Variants in OPA1 observed in about 807,000 individuals in gnomAD.
OPA1 encodes the protein dynamin-like GTPase OPA1, mitochondrial.
OPA1 carries 59 observed loss-of-function variants against 152.9 expected under a neutral mutation model. The observed-to-expected ratio is 0.39, with a 90% CI of 0.31 to 0.48. The LOEUF is 0.48. Among genes scored for constraint, OPA1 ranks in the 20% least tolerant of loss-of-function variants. The probability of loss-of-function intolerance (pLI) is 0.96; values close to 1 mark genes in which losing one functional copy is unlikely to be tolerated. For missense variants in OPA1, 1,008 were observed against 1,216.8 expected (o/e 0.83, Z 2.55); for synonymous variants, 400 against 389.9 (o/e 1.03, Z -0.31).
At chr3:193,690,531 T>C (rs938906277) in intron 29 of OPA1, among the ~76,000 whole-genome samples, 3 of 151,794 alleles carry the variant, frequency 2.0e-5, no homozygotes, top group African/African-American at 7.3e-5. Flanking sequence ...AAAGAATAAA[T>C]TACTGGAAAA....
intron 25 of OPA1, 136 bp downstream of exon 25, chr3:193,659,697 A>G: frequency 1.5e-6 from 1 of 688,004 alleles, no homozygotes. Context: ...TTTCTAAAAT[A>G]TAATGAATCT....
At chr3:193,647,560 C>G (rs912346717) in intron 19 of OPA1, among the ~76,000 whole-genome samples, 15 of 152,230 alleles carry the variant, frequency 9.9e-5, no homozygotes, top group Admixed American at 3.3e-4. Context: ...CCCACACTTT[C>G]CTGCTCAGTG....
At chr3:193,643,905 T>C in intron 15 of OPA1, 70 bp from the exon 16 acceptor site, 1 of 1,512,524 alleles carries the variant, frequency 6.6e-7, no homozygotes. Flanking sequence ...AGGGGTATAA[T>C]TTGTACTGAG....
intron 1 of OPA1, among the ~76,000 whole-genome samples, chr3:193,599,630 G>A (rs556457306): frequency 2.0e-5 from 3 of 152,114 alleles, no homozygotes; most frequent in South Asian, 2.1e-4. Context: ...CACAAGTGTC[G>A]CTTGTGGAAA....
intron 26 of OPA1, among the ~76,000 whole-genome samples, chr3:193,664,461 CAGAA>C (rs1396215892): frequency 1.3e-5 from 2 of 151,640 alleles, no homozygotes; most frequent in Non-Finnish European, 2.9e-5. Context: ...ATTTTATAAA[CAGAA>C]AGGAAATGTT....
chr3:193,655,181 A>G (rs375427428), intron 22 of OPA1, 154 bp downstream of exon 22: 22 of 703,766 alleles, frequency 3.1e-5, no homozygotes, highest in East Asian at 3.0e-4. Context: ...TTTGGGACTA[A>G]CCTTAATGTT....
rs942819201 is a variant in OPA1, at chr3:193,645,819, C to T, written c.1754+19C>T. ...TCCTAAAGTAGGTATCTTGTTAAAACATTTAAACATTTTACAGTAAGAGAG... is the reference window on the plus strand; with the variant it reads ...TCCTAAAGTAGGTATCTTGTTAAAATATTTAAACATTTTACAGTAAGAGAG... On this transcript the variant is annotated intron_variant, in intron 18 of 30. Coordinates refer to ENST00000361510, the MANE Select transcript of OPA1 (RefSeq NM_130837.3). The T allele has an allele frequency of 1.3e-6, 2 of 1,558,200 alleles. No homozygotes were observed. The highest frequency in any genetic ancestry group is 1.8e-6 in the Non-Finnish European group (2 of 1,130,156).
intron 21 of OPA1, among the ~76,000 whole-genome samples, chr3:193,649,539 A>C (rs372047880): frequency 2.0e-5 from 3 of 152,204 alleles, no homozygotes; most frequent in Non-Finnish European, 4.4e-5. Flanking sequence ...TATCTTTCTA[A>C]TGAAGACTGT....
At chr3:193,690,063 A>C (rs893747633) in intron 29 of OPA1, among the ~76,000 whole-genome samples, 2 of 152,018 alleles carry the variant, frequency 1.3e-5, no homozygotes, top group Admixed American at 1.3e-4. Flanking sequence ...TAGATGAATT[A>C]ATTTTTAAAC....
At chr3:193,685,144 AC>A (rs1318134864) in intron 29 of OPA1, among the ~76,000 whole-genome samples, 1 of 152,040 alleles carries the variant, frequency 6.6e-6, no homozygotes, top group Non-Finnish European at 1.5e-5. Flanking sequence ...TACTAAAAAT[AC>A]AAAAAAATTG....
chr3:193,671,441 G>A (rs1053155791), intron 29 of OPA1, among the ~76,000 whole-genome samples: 11 of 152,124 alleles, frequency 7.2e-5, no homozygotes, highest in African/African-American at 2.7e-4. Flanking sequence ...AGAGTGAAGA[G>A]CTGCTCCAGT....
chr3:193,659,730 T>A (rs981093484), intron 25 of OPA1, among the ~76,000 whole-genome samples, 169 bp downstream of exon 25: 1 of 152,176 alleles, frequency 6.6e-6, no homozygotes, highest in Non-Finnish European at 1.5e-5. Flanking sequence ...ATAAACTACA[T>A]AAGAAAGTTT....
chr3:193,642,705 T>C, intron 11 of OPA1, 60 bp from the exon 12 acceptor site: 2 of 1,241,284 alleles, frequency 1.6e-6, no homozygotes, highest in Non-Finnish European at 2.4e-6. Flanking sequence ...ACATACGGGC[T>C]GTGGGAATTA....
intron 6 of OPA1, among the ~76,000 whole-genome samples, chr3:193,625,021 A>G (rs560662347): frequency 7.4e-4 from 113 of 151,980 alleles, no homozygotes; most frequent in Non-Finnish European, 1.5e-3. Context: ...ACAAATGGTT[A>G]CCTCCTTCAT....
chr3:193,613,146 GA>G (rs1728511171), intron 1 of OPA1, among the ~76,000 whole-genome samples: 2 of 152,226 alleles, frequency 1.3e-5, no homozygotes, highest in African/African-American at 4.8e-5. Flanking sequence ...GCAGCCTCCA[GA>G]ATTGAATGCA....
intron 1 of OPA1, among the ~76,000 whole-genome samples, chr3:193,606,037 C>G (rs1727212066): frequency 6.6e-6 from 1 of 152,150 alleles, no homozygotes; most frequent in African/African-American, 2.4e-5. Flanking sequence ...CCCTTAGAGC[C>G]TCCTTTAAGT....
At chr3:193,625,828 T>C (rs1222185218) in intron 6 of OPA1, among the ~76,000 whole-genome samples, 1 of 152,050 alleles carries the variant, frequency 6.6e-6, no homozygotes, top group East Asian at 1.9e-4. Flanking sequence ...TATATCTGGA[T>C]CATTTTATTT....
At chr3:193,630,366 GAAAA>G (rs1731887645) in intron 7 of OPA1, among the ~76,000 whole-genome samples, 1 of 151,472 alleles carries the variant, frequency 6.6e-6, no homozygotes, top group African/African-American at 2.4e-5. Flanking sequence ...AAGGAAAAAA[GAAAA>G]AAAGAGTGTA....
At chr3:193,605,700 A>G (rs1727151146) in intron 1 of OPA1, among the ~76,000 whole-genome samples, 1 of 152,192 alleles carries the variant, frequency 6.6e-6, no homozygotes, top group African/African-American at 2.4e-5. Flanking sequence ...GGAAAATTTT[A>G]GGTGCCCTTT....
Sources: gnomAD v4.1 joint callset for allele counts (sites outside exome capture counted in the v4.1 genomes callset) on GRCh38, gnomAD v4.1.1 for gene constraint, MANE v1.5 for transcripts, NCBI Gene and HGNC (gene_info 2026-07-23, HGNC 2026-07-21) for gene names.